The following RBFOX1 variants were observed in gnomAD, a reference collection of about 807,000 sequenced individuals.
RBFOX1 encodes RNA binding fox-1 homolog 1.
In RBFOX1, 8 loss-of-function variants were observed where a neutral mutation model predicts 57.7. The ratio of observed to expected loss-of-function variants is 0.14; its 90% CI spans 0.08 to 0.25. The LOEUF is 0.25. Among genes scored for constraint, RBFOX1 ranks in the 10% least tolerant of loss-of-function variants. RBFOX1 has a pLI of 1.00. For synonymous variants in RBFOX1, 326 were observed against 222.4 expected, an observed-to-expected ratio of 1.47 and a Z score of -4.15; for missense variants, 611 against 548.5, an observed-to-expected ratio of 1.11 and a Z score of -1.14.
In RBFOX1 at chr16:6,814,784, A is replaced by C. The variant is rs560119280; in HGVS notation, c.-16+160134A>C. 5.3e-5 allele frequency among the ~76,000 whole-genome samples: 8 copies of C among 152,232 alleles called. No individual in the cohort carries two copies. In the South Asian group the frequency reaches 1.7e-3, roughly 32 times the overall value. On this transcript the variant is annotated intron_variant, in intron 3 of 15. Transcript: ENST00000550418. ...TGGGGCTAGAGTTGAGGTTGGATAG[A>C]AGCAGCACATCAAGGGGTTTGGGTT... is the stretch of plus-strand genomic sequence containing the variant.
chr16:5,242,261 C>A (rs994637174), intron 1 of RBFOX1, among the ~76,000 whole-genome samples: 3 of 152,196 alleles, frequency 2.0e-5, no homozygotes, highest in Non-Finnish European at 4.4e-5. Flanking sequence ...TCTTGGTCCA[C>A]AGAGGGAAAT....
intron 2 of RBFOX1, among the ~76,000 whole-genome samples, chr16:6,404,490 C>T (rs750774937): frequency 6.6e-6 from 1 of 152,104 alleles, no homozygotes; most frequent in South Asian, 2.1e-4. Context: ...CAAAAGAGTA[C>T]GCATTTGTAG....
At chr16:5,483,423 T>A (rs1446692076) in intron 2 of RBFOX1, among the ~76,000 whole-genome samples, 1 of 152,202 alleles carries the variant, frequency 6.6e-6, no homozygotes, top group Non-Finnish European at 1.5e-5. Flanking sequence ...GAGGCATTTT[T>A]TCCCCATCTG....
intron 5 of RBFOX1, among the ~76,000 whole-genome samples, chr16:7,552,250 G>C (rs1433614738): frequency 6.6e-6 from 1 of 151,932 alleles, no homozygotes; most frequent in Non-Finnish European, 1.5e-5. Flanking sequence ...TTTCAGGTAT[G>C]CTTCTTTATT....
At chr16:5,566,153 C>T (rs561049634) in intron 2 of RBFOX1, among the ~76,000 whole-genome samples, 5 of 152,056 alleles carry the variant, frequency 3.3e-5, no homozygotes, top group South Asian at 2.1e-4. Flanking sequence ...TACCCAGTCT[C>T]GGGCATGTCT....
intron 2 of RBFOX1, among the ~76,000 whole-genome samples, chr16:5,532,464 C>G (rs11644989): frequency 0.31 from 46,823 of 152,056 alleles, 7,741 homozygotes; most frequent in Non-Finnish European, 0.36. Context: ...CTGCATTTCA[C>G]AAGACCCCCT....
At chr16:5,380,346 A>C (rs1265596120) in intron 1 of RBFOX1, among the ~76,000 whole-genome samples, 3 of 152,328 alleles carry the variant, frequency 2.0e-5, no homozygotes, top group East Asian at 3.9e-4. Flanking sequence ...AGACGTACAG[A>C]GCGGTTAGAA....
intron 3 of RBFOX1, among the ~76,000 whole-genome samples, chr16:6,808,943 C>T (rs1055202131): frequency 6.6e-6 from 1 of 152,182 alleles, no homozygotes; most frequent in African/African-American, 2.4e-5. Flanking sequence ...GAGAAGGACT[C>T]TGTACTTCTA....
chr16:6,053,416 G>A (rs1390691233), intron 1 of RBFOX1, among the ~76,000 whole-genome samples: 1 of 152,172 alleles, frequency 6.6e-6, no homozygotes, highest in Non-Finnish European at 1.5e-5. Context: ...GATTGTTCTA[G>A]GAGGAGAGAG....
At chr16:5,872,888 C>T (rs1035716023) in intron 4 of RBFOX1, among the ~76,000 whole-genome samples, 1 of 152,196 alleles carries the variant, frequency 6.6e-6, no homozygotes, top group Non-Finnish European at 1.5e-5. Flanking sequence ...TGTGGTGGCT[C>T]ATGCCTGTAA....
intron 9 of RBFOX1, among the ~76,000 whole-genome samples, chr16:7,603,553 C>A (rs2095147416): frequency 6.6e-6 from 1 of 152,126 alleles, no homozygotes; most frequent in Admixed American, 6.6e-5. Flanking sequence ...CATTAACTGG[C>A]ATGTTCTGAA....
In RBFOX1 at chr16:7,592,008, T is replaced by C. The variant is rs184340625; in HGVS notation, c.469-3541T>C. Among the ~76,000 whole-genome samples, 52 of 152,022 alleles carry C rather than the reference T, an allele frequency of 3.4e-4. 1 individual carries two copies. Among genetic ancestry groups the C allele is most frequent in the African/African-American group, 1.2e-3 (49 of 41,492 alleles). Reference sequence around the variant, plus strand: ...TTACATTGCAACCCTCAGGTGAGAATTTTGATAACCTGATAACCCAGGGAG... The same window carrying C: ...TTACATTGCAACCCTCAGGTGAGAACTTTGATAACCTGATAACCCAGGGAG... On this transcript the variant is annotated intron_variant, in intron 7 of 15. Coordinates refer to ENST00000550418, the MANE Select transcript of RBFOX1 (RefSeq NM_018723.4).
chr16:7,703,164 G>A (rs567380106), intron 14 of RBFOX1, among the ~76,000 whole-genome samples: 1 of 152,210 alleles, frequency 6.6e-6, no homozygotes, highest in Non-Finnish European at 1.5e-5. Flanking sequence ...GACTTGCATG[G>A]ATTCATTTTT....
intron 3 of RBFOX1, among the ~76,000 whole-genome samples, chr16:6,977,865 G>A (rs1301679082): frequency 6.7e-6 from 1 of 149,320 alleles, no homozygotes; most frequent in African/African-American, 2.5e-5. Flanking sequence ...TCTGGTCTGA[G>A]AGAAACACGT....
intron 2 of RBFOX1, among the ~76,000 whole-genome samples, chr16:5,566,881 G>A (rs895866620): frequency 1.3e-5 from 2 of 152,228 alleles, no homozygotes; most frequent in African/African-American, 4.8e-5. Context: ...TAAATTAACA[G>A]TGACTGGTCT....
intron 2 of RBFOX1, among the ~76,000 whole-genome samples, chr16:6,369,404 G>A (rs910632364): frequency 2.6e-5 from 4 of 152,074 alleles, no homozygotes; most frequent in African/African-American, 9.7e-5. Context: ...AAGAAAGGAG[G>A]CATTGTTTGA....
At chr16:7,167,108 C>G (rs1473416950) in intron 4 of RBFOX1, among the ~76,000 whole-genome samples, 2 of 150,848 alleles carry the variant, frequency 1.3e-5, no homozygotes, top group Non-Finnish European at 2.9e-5. Flanking sequence ...GCCTCAGCCT[C>G]CTGAGTAGCT....
chr16:6,125,996 A>T (rs746752113), intron 1 of RBFOX1, among the ~76,000 whole-genome samples: 8 of 152,174 alleles, frequency 5.3e-5, no homozygotes, highest in African/African-American at 7.2e-5. Context: ...CTTCTCAAGG[A>T]GCTTAGTCTG....
At chr16:6,706,308 C>T (rs185714199) in intron 3 of RBFOX1, among the ~76,000 whole-genome samples, 100 of 152,200 alleles carry the variant, frequency 6.6e-4, no homozygotes, top group Middle Eastern at 3.4e-3. Flanking sequence ...ATCACATTTA[C>T]GAGGAGAAAA....
Sources: allele counts gnomAD v4.1 joint callset (sites outside exome capture counted in the v4.1 genomes callset), GRCh38; gene constraint gnomAD v4.1.1; transcripts MANE v1.5; gene names NCBI Gene and HGNC (gene_info 2026-07-23, HGNC 2026-07-21).